FRMD5: variants seen among roughly 807,000 people sequenced by gnomAD.
FRMD5 encodes FERM domain-containing protein 5.
Under a neutral mutation model 69.0 loss-of-function variants are expected in FRMD5, and 20 were observed. The observed-to-expected ratio is 0.29, with a 90% CI of 0.20 to 0.42. The LOEUF is 0.42. FRMD5 is among the 10% of genes least tolerant of loss of function. FRMD5 has a pLI of 1.00. For missense variants in FRMD5, 595 were observed against 708.6 expected (o/e 0.84, Z 1.82); for synonymous variants, 271 against 260.1 (o/e 1.04, Z -0.40).
intron 7 of FRMD5, among the ~76,000 whole-genome samples, chr15:43,899,773 C>T (rs1210717042): frequency 6.6e-6 from 1 of 152,180 alleles, no homozygotes; most frequent in Non-Finnish European, 1.5e-5. Flanking sequence ...AGCCTCTCTG[C>T]GTCCAATGAT....
chr15:44,087,415 A>G (rs1010006605), intron 1 of FRMD5, among the ~76,000 whole-genome samples: 2 of 152,214 alleles, frequency 1.3e-5, no homozygotes, highest in African/African-American at 4.8e-5. Flanking sequence ...CAACATATGC[A>G]ATGAATTCAG....
intron 13 of FRMD5, among the ~76,000 whole-genome samples, chr15:43,875,363 A>ATATAT (rs1555465599): frequency 1.0e-4 from 11 of 105,322 alleles, no homozygotes; most frequent in African/African-American, 4.0e-4. Flanking sequence ...AAAAAAAAAA[A>ATATAT]ATATATATAT....
chr15:44,141,183 A>C (rs528851046), intron 1 of FRMD5, among the ~76,000 whole-genome samples: 1 of 152,312 alleles, frequency 6.6e-6, no homozygotes, highest in South Asian at 2.1e-4. Context: ...CACAAACATG[A>C]ATACTTGATG....
intron 1 of FRMD5, among the ~76,000 whole-genome samples, chr15:44,012,719 T>C (rs1293602435): frequency 1.3e-5 from 2 of 151,684 alleles, no homozygotes; most frequent in Non-Finnish European, 2.9e-5. Context: ...CATAATCTTT[T>C]GGGTTCACCT....
In FRMD5 at chr15:43,905,905, G is replaced by A. The variant is rs774637525; in HGVS notation, c.474C>T (p.Ser158=). The A allele has an allele frequency of 2.5e-6, 4 of 1,614,076 alleles. No homozygotes were observed. In the African/African-American group the frequency reaches 5.3e-5, roughly 22 times the overall value. The change falls in exon 6 of 14, where the codon AGC becomes AGT. Residue 158 remains serine (S), a synonymous_variant. Transcript: ENST00000417257. Reference sequence around the variant, plus strand: ...GTTTAGGGAAAAACTGGAACTTGGAGCTGTAGCCTTCAGGGTGTTTCCCTG... The same window carrying A: ...GTTTAGGGAAAAACTGGAACTTGGAACTGTAGCCTTCAGGGTGTTTCCCTG... ...YDSGKHPEGY[S]SKFQFFPKHS... is the part of the protein sequence containing the mutation.
At chr15:43,924,502 G>A (rs534730393) in intron 1 of FRMD5, among the ~76,000 whole-genome samples, 193 bp from the exon 2 acceptor site, 1 of 152,280 alleles carries the variant, frequency 6.6e-6, no homozygotes, top group Admixed American at 6.5e-5. Flanking sequence ...GCACCTGGAA[G>A]GAGCCCAAGA....
intron 1 of FRMD5, among the ~76,000 whole-genome samples, chr15:44,081,217 C>T (rs571638268): frequency 3.3e-4 from 50 of 152,206 alleles, no homozygotes; most frequent in African/African-American, 1.1e-3. Flanking sequence ...ACTCCATAGC[C>T]CTTCCCTTGA....
At chr15:44,197,976 T>C (rs1265956202), upstream of FRMD5, among the ~76,000 whole-genome samples, 2 of 152,152 alleles carry the variant, frequency 1.3e-5, no homozygotes, top group African/African-American at 4.8e-5. Context: ...CTGTATTTCC[T>C]ATGTCAATGT....
At chr15:44,089,314 C>T (rs1434527884) in intron 1 of FRMD5, among the ~76,000 whole-genome samples, 2 of 152,062 alleles carry the variant, frequency 1.3e-5, no homozygotes, top group Admixed American at 6.6e-5. Context: ...AAACTATTAA[C>T]GATGGTTTTA....
chr15:43,888,690 G>T, intron 9 of FRMD5, 119 bp downstream of exon 9: 1 of 787,928 alleles, frequency 1.3e-6, no homozygotes, highest in Non-Finnish European at 2.2e-6. Flanking sequence ...TCCTGACCTT[G>T]GTCTTGGCTT....
intron 1 of FRMD5, among the ~76,000 whole-genome samples, chr15:43,940,704 G>T (rs1185473763): frequency 6.6e-6 from 1 of 152,180 alleles, no homozygotes; most frequent in African/African-American, 2.4e-5. Context: ...TAAGATAAGG[G>T]CAGTGAGGAT....
chr15:43,876,884 A>G (rs931248528), intron 13 of FRMD5, among the ~76,000 whole-genome samples: 6 of 152,124 alleles, frequency 3.9e-5, no homozygotes, highest in African/African-American at 1.4e-4. Flanking sequence ...GCGGGGGTGG[A>G]TTTCTCTTAC....
chr15:44,068,204 TAG>T (rs1893390585), intron 1 of FRMD5, among the ~76,000 whole-genome samples: 1 of 152,216 alleles, frequency 6.6e-6, no homozygotes, highest in Admixed American at 6.5e-5. Flanking sequence ...CAGTTAAATA[TAG>T]AGTTACCATA....
At chr15:43,885,608 A>G in intron 11 of FRMD5, 73 bp downstream of exon 11, 1 of 1,279,294 alleles carries the variant, frequency 7.8e-7, no homozygotes, top group Non-Finnish European at 1.1e-6. Context: ...GTTCTAAAGG[A>G]TAAGGACCAC....
intron 1 of FRMD5, among the ~76,000 whole-genome samples, chr15:44,146,334 T>C (rs2077355368): frequency 6.6e-6 from 1 of 152,178 alleles, no homozygotes; most frequent in Non-Finnish European, 1.5e-5. Context: ...ATGATCTCAT[T>C]CCTTTTTATG....
chr15:43,966,365 C>A (rs2090295401), intron 1 of FRMD5, among the ~76,000 whole-genome samples: 1 of 151,794 alleles, frequency 6.6e-6, no homozygotes, highest in African/African-American at 2.4e-5. Flanking sequence ...CAGAGTGAGA[C>A]CCTGTCTCTA....
chr15:44,116,194 AT>A (rs1201392614), intron 1 of FRMD5, among the ~76,000 whole-genome samples: 2 of 149,700 alleles, frequency 1.3e-5, no homozygotes. Flanking sequence ...TATATTTTAT[AT>A]ACATATATAA....
At chr15:44,096,417 T>C (rs139659948) in intron 1 of FRMD5, among the ~76,000 whole-genome samples, 49 of 150,944 alleles carry the variant, frequency 3.2e-4, no homozygotes, top group African/African-American at 1.1e-3. Context: ...TTTTTTTTTT[T>C]TTTTAGACAG....
intron 13 of FRMD5, chr15:43,875,813 T>TG (rs1228462494): frequency 1.1e-5 from 4 of 368,322 alleles, no homozygotes; most frequent in Non-Finnish European, 2.0e-5. Flanking sequence ...AGTTTTTTTT[T>TG]TTTTTTTTTT....
Sources: gnomAD v4.1 joint callset for allele counts (sites outside exome capture counted in the v4.1 genomes callset) on GRCh38, gnomAD v4.1.1 for gene constraint, MANE v1.5 for transcripts, NCBI Gene and HGNC (gene_info 2026-07-23, HGNC 2026-07-21) for gene names.